The following GRB10 variants were observed in gnomAD, a reference collection of about 807,000 sequenced individuals.
The protein encoded by GRB10 is growth factor receptor-bound protein 10.
In GRB10, 20 loss-of-function variants were observed where a neutral mutation model predicts 80.9. That is an observed-to-expected ratio of 0.25 (90% CI 0.17 to 0.36). GRB10 has a LOEUF of 0.36. Ranked by LOEUF, GRB10 falls within the 10% of genes least tolerant of loss-of-function variation. The probability of loss-of-function intolerance (pLI) is 1.00; values close to 1 mark genes in which losing one functional copy is unlikely to be tolerated. For missense variants in GRB10, 548 were observed against 747.7 expected (o/e 0.73, Z 3.12); for synonymous variants, 291 against 291.5 (o/e 1.00, Z 0.02).
intron 4 of GRB10, among the ~76,000 whole-genome samples, chr7:50,722,128 G>A (rs1018742315): frequency 1.3e-5 from 2 of 152,170 alleles, no homozygotes; most frequent in East Asian, 1.9e-4. Context: ...GGTGTACCAC[G>A]GGCCCAGTAG....
chr7:50,605,527 T>C, intron 14 of GRB10, 121 bp from the exon 15 acceptor site: 2 of 839,962 alleles, frequency 2.4e-6, no homozygotes, highest in Non-Finnish European at 4.1e-6. Context: ...TTTCTACCTC[T>C]GAACTCCCCA....
At chr7:50,742,698 T>A (rs956143683) in intron 3 of GRB10, among the ~76,000 whole-genome samples, 41 of 146,412 alleles carry the variant, frequency 2.8e-4, no homozygotes, top group Admixed American at 2.2e-3. Flanking sequence ...CCAGGCTGCA[T>A]CCCAGACCAA....
intron 7 of GRB10, among the ~76,000 whole-genome samples, chr7:50,655,571 CT>C (rs759609859): frequency 2.0e-5 from 3 of 152,244 alleles, no homozygotes; most frequent in Non-Finnish European, 4.4e-5. Flanking sequence ...CTTCACTCCA[CT>C]GCCCTAGTCC....
chr7:50,669,664 C>G, intron 7 of GRB10, 58 bp downstream of exon 7: 1 of 1,515,470 alleles, frequency 6.6e-7, no homozygotes, highest in Non-Finnish European at 9.1e-7. Flanking sequence ...CACATCTGTG[C>G]AGATCCCAAT....
intron 12 of GRB10, among the ~76,000 whole-genome samples, chr7:50,613,610 T>A (rs1246577556): frequency 6.6e-6 from 1 of 152,296 alleles, no homozygotes; most frequent in Non-Finnish European, 1.5e-5. Context: ...CAGGTGTGAC[T>A]ACCCTGCGCT....
At chr7:50,791,647 G>A (rs1447645233) in intron 1 of GRB10, among the ~76,000 whole-genome samples, 1 of 152,216 alleles carries the variant, frequency 6.6e-6, no homozygotes, top group Non-Finnish European at 1.5e-5. Context: ...AGTATCAGTC[G>A]CTACACTTCT....
intron 5 of GRB10, among the ~76,000 whole-genome samples, chr7:50,691,346 C>G (rs1285506015): frequency 1.3e-5 from 2 of 152,182 alleles, no homozygotes; most frequent in Admixed American, 1.3e-4. Context: ...AGTCTGGGTT[C>G]AAATCCCAGC....
upstream of GRB10, among the ~76,000 whole-genome samples, chr7:50,787,680 G>A (rs940483525): frequency 3.9e-5 from 6 of 152,186 alleles, no homozygotes; most frequent in African/African-American, 9.7e-5. Context: ...AATGACACTA[G>A]GAAGCCCTCC....
chr7:50,777,429 TACACACACAC>T (rs71018485), intron 2 of GRB10, among the ~76,000 whole-genome samples: 5 of 146,166 alleles, frequency 3.4e-5, no homozygotes, highest in East Asian at 2.0e-4. Context: ...GCAATCTGTA[TACACACACAC>T]ACACACACAC....
intron 13 of GRB10, among the ~76,000 whole-genome samples, chr7:50,609,214 A>G (rs1339005496): frequency 6.6e-6 from 1 of 152,212 alleles, no homozygotes. Context: ...TTAAAAGATA[A>G]AGATTATCAA....
intron 5 of GRB10, among the ~76,000 whole-genome samples, chr7:50,699,172 A>G (rs1354763854): frequency 1.3e-5 from 2 of 152,230 alleles, no homozygotes; most frequent in Admixed American, 1.3e-4. Context: ...TAAAAGTGCT[A>G]ACATATCTGT....
rs115537485 is a variant in GRB10, at chr7:50,746,395, T to C, written c.-47+9492A>G. 3.7e-3 allele frequency among the ~76,000 whole-genome samples: 559 copies of C among 152,276 alleles called. 4 individuals are homozygous for C. Among genetic ancestry groups the C allele is most frequent in the African/African-American group, 0.013 (534 of 41,560 alleles). ...TGAATGCATTTTCAACTTACGACAT[T>C]TGTGTCTTATGATGGGTTTATCAGA... On this transcript the variant is annotated intron_variant, in intron 3 of 18. Coordinates refer to ENST00000401949, the MANE Select transcript of GRB10 (RefSeq NM_001350814.2).
intron 4 of GRB10, among the ~76,000 whole-genome samples, chr7:50,723,058 A>G (rs1014515031): frequency 6.6e-6 from 1 of 152,244 alleles, no homozygotes; most frequent in Admixed American, 6.5e-5. Context: ...GTCGAAAAAT[A>G]AAATACATTT....
chr7:50,670,946 G>A (rs2060295336), intron 6 of GRB10, among the ~76,000 whole-genome samples: 1 of 152,108 alleles, frequency 6.6e-6, no homozygotes, highest in Admixed American at 6.5e-5. Context: ...AGGGGCATCT[G>A]TTCCCTCCTC....
chr7:50,596,823 C>A (rs2046740563), intron 17 of GRB10, among the ~76,000 whole-genome samples: 1 of 152,120 alleles, frequency 6.6e-6, no homozygotes, highest in South Asian at 2.1e-4. Context: ...AACCTTTCTA[C>A]AACCTTAAAA....
At chr7:50,792,493 G>A in intron 1 of GRB10, 1 of 398,590 alleles carries the variant, frequency 2.5e-6, no homozygotes, top group Non-Finnish European at 4.4e-6. Flanking sequence ...CAGGCGTTTG[G>A]AGAGGCAATC....
In GRB10 at chr7:50,627,046, A is replaced by G. The variant is rs1435379295; in HGVS notation, c.505-68T>C. 2.7e-6 allele frequency: 4 copies of G among 1,504,652 alleles called. No individual in the cohort carries two copies. In the East Asian group the frequency reaches 6.8e-5, roughly 25 times the overall value. 93.2% of individuals were successfully genotyped at this position (1,504,652 alleles called of 1,614,324 possible). A position where few individuals can be genotyped will look rare whatever the true frequency, so the allele number is the denominator to read the frequency against. On this transcript the variant is annotated intron_variant, in intron 7 of 18. Coordinates refer to ENST00000401949, the MANE Select transcript of GRB10 (RefSeq NM_001350814.2). ...GCTTTCAAGAAATAAAAACTGAAAC[A>G]AAAGAAAACAGGTAAAGTAAAAATA...
rs971312879 is a variant in GRB10 at position 50,705,275 on chromosome 7, G to A, written c.52-1367C>T. The A allele has an allele frequency of 7.1e-6, 7 of 985,702 alleles. No individual in the cohort carries two copies. The East Asian group carries it at 3.4e-4, about 48-fold the overall frequency. 61.1% of individuals were successfully genotyped at this position (985,702 alleles called of 1,614,324 possible). A position where few individuals can be genotyped will look rare whatever the true frequency, so the allele number is the denominator to read the frequency against. On this transcript the variant is annotated intron_variant, in intron 4 of 18. Transcript: ENST00000401949. ...CACATCTACCACTTAGAAGGAGGAT[G>A]TTTGTTCCCTGGGAGGCAAAGTTGC...
intron 1 of GRB10, chr7:50,792,699 T>A (rs1368245355): frequency 5.4e-6 from 2 of 372,614 alleles, no homozygotes; most frequent in Non-Finnish European, 9.5e-6. Flanking sequence ...TTTGGGAGTG[T>A]CTGGCACCAC....
Sources: allele counts gnomAD v4.1 joint callset (sites outside exome capture counted in the v4.1 genomes callset), GRCh38; gene constraint gnomAD v4.1.1; transcripts MANE v1.5; gene names NCBI Gene and HGNC (gene_info 2026-07-23, HGNC 2026-07-21).